Variants in GLCE observed in about 807,000 individuals in gnomAD.
GLCE encodes the protein D-glucuronyl C5-epimerase.
GLCE carries 19 observed loss-of-function variants against 47.9 expected under a neutral mutation model. The ratio of observed to expected loss-of-function variants is 0.40; its 90% confidence interval spans 0.28 to 0.58. The LOEUF is 0.58. Ranked by LOEUF, GLCE falls within the 20% of genes least tolerant of loss-of-function variation. The probability of loss-of-function intolerance (pLI) is 0.48; values close to 1 mark genes in which losing one functional copy is unlikely to be tolerated. For missense variants in GLCE, 556 were observed against 743.3 expected, an observed-to-expected ratio of 0.75 and a Z score of 2.93; for synonymous variants, 245 against 263.4, an observed-to-expected ratio of 0.93 and a Z score of 0.68.
chr15:69,263,266 A>G (rs918265330), intron 4 of GLCE, among the ~76,000 whole-genome samples: 3 of 152,188 alleles, frequency 2.0e-5, no homozygotes, highest in African/African-American at 7.2e-5. Flanking sequence ...AGACTATTTT[A>G]TTGAAGCATA....
At chr15:69,244,824 C>A (rs1355269444) in intron 2 of GLCE, among the ~76,000 whole-genome samples, 1 of 152,068 alleles carries the variant, frequency 6.6e-6, no homozygotes, top group African/African-American at 2.4e-5. Context: ...TTTTGTGGGT[C>A]CTTATGCCTT....
chr15:69,223,716 A>G (rs546094842), intron 2 of GLCE, among the ~76,000 whole-genome samples: 26 of 151,592 alleles, frequency 1.7e-4, no homozygotes, highest in Non-Finnish European at 3.4e-4. Context: ...TACTCATCCA[A>G]TTGATGGTGT....
chr15:69,215,475 T>A (rs986381543), intron 2 of GLCE, among the ~76,000 whole-genome samples: 3 of 152,058 alleles, frequency 2.0e-5, no homozygotes, highest in African/African-American at 7.2e-5. Context: ...TTATCTGTTG[T>A]GGGACATCTG....
chr15:69,248,792 G>A (rs957014283), intron 2 of GLCE, among the ~76,000 whole-genome samples: 1 of 152,018 alleles, frequency 6.6e-6, no homozygotes, highest in Non-Finnish European at 1.5e-5. Context: ...AGTACAGATG[G>A]GATTTCACCA....
intron 2 of GLCE, among the ~76,000 whole-genome samples, chr15:69,211,675 G>A (rs1349327332): frequency 6.6e-6 from 1 of 151,678 alleles, no homozygotes; most frequent in Non-Finnish European, 1.5e-5. Context: ...TGCCATATAA[G>A]TTAGAATTTC....
rs189827529 is a variant in GLCE, at chr15:69,242,784, C to G, written c.-13-13010C>G. Among the ~76,000 whole-genome samples, 327 of 152,018 alleles carry G rather than the reference C, an allele frequency of 2.2e-3. 1 individual carries two copies. Among genetic ancestry groups the G allele is most frequent in the African/African-American group, 5.8e-3 (240 of 41,466 alleles). Reference sequence around the variant, plus strand: ...CTGGAACTAGGTGTGGTAGCTCATGCCTGTAATCCCAGCACTTTGGGAAGC... The same window carrying G: ...CTGGAACTAGGTGTGGTAGCTCATGGCTGTAATCCCAGCACTTTGGGAAGC... On this transcript the variant is annotated intron_variant, in intron 2 of 4. Transcript: ENST00000261858.
intron 1 of GLCE, among the ~76,000 whole-genome samples, chr15:69,173,645 A>T (rs1021465171): frequency 1.1e-4 from 17 of 152,082 alleles, no homozygotes; most frequent in Non-Finnish European, 2.2e-4. Flanking sequence ...TAGATTGAGT[A>T]GGGTTTAATC....
At chr15:69,170,776 G>A (rs116802490) in intron 1 of GLCE, among the ~76,000 whole-genome samples, 1,758 of 152,294 alleles carry the variant, frequency 0.012, 26 homozygotes, top group African/African-American at 0.038. Context: ...GTAATTTTCT[G>A]TAAGACAAGT....
chr15:69,198,705 C>T (rs1043244091), intron 1 of GLCE, among the ~76,000 whole-genome samples: 1 of 152,146 alleles, frequency 6.6e-6, no homozygotes, highest in Non-Finnish European at 1.5e-5. Flanking sequence ...GACTTCCCAT[C>T]ACTGTTGCCA....
intron 1 of GLCE, among the ~76,000 whole-genome samples, chr15:69,180,806 A>G (rs2051738717): frequency 6.6e-6 from 1 of 152,204 alleles, no homozygotes; most frequent in Non-Finnish European, 1.5e-5. Context: ...ACTAAGTGAT[A>G]CGTGGTATAG....
At chr15:69,230,784 T>G (rs752169007) in intron 2 of GLCE, among the ~76,000 whole-genome samples, 48 of 152,324 alleles carry the variant, frequency 3.2e-4, no homozygotes, top group Middle Eastern at 3.4e-3. Context: ...CAACCTTAGT[T>G]GCTTATAACA....
intron 2 of GLCE, among the ~76,000 whole-genome samples, chr15:69,247,533 T>C (rs1363697912): frequency 2.0e-5 from 3 of 152,232 alleles, no homozygotes; most frequent in African/African-American, 7.2e-5. Flanking sequence ...CAATTTTAAC[T>C]TCCATCAAGA....
intron 2 of GLCE, among the ~76,000 whole-genome samples, chr15:69,250,710 G>A (rs1195127259): frequency 6.6e-6 from 1 of 150,718 alleles, no homozygotes; most frequent in Non-Finnish European, 1.5e-5. Context: ...ACACCCGATC[G>A]GCATAGCACC....
intron 4 of GLCE, among the ~76,000 whole-genome samples, chr15:69,264,064 C>T (rs1162600697): frequency 6.6e-6 from 1 of 152,044 alleles, no homozygotes; most frequent in East Asian, 1.9e-4. Context: ...GCATACAATA[C>T]AGTATTATAA....
intron 2 of GLCE, among the ~76,000 whole-genome samples, chr15:69,214,784 C>T (rs1248260291): frequency 1.3e-5 from 2 of 152,148 alleles, no homozygotes; most frequent in East Asian, 3.9e-4. Flanking sequence ...AAACCTGACT[C>T]TCATTCTCTA....
At chr15:69,174,611 AAAAACAAAACAAAAC>A (rs142688156) in intron 1 of GLCE, among the ~76,000 whole-genome samples, 1 of 152,078 alleles carries the variant, frequency 6.6e-6, no homozygotes, top group Non-Finnish European at 1.5e-5. Context: ...ACTATGTCTA[AAAAACAAAACAAAAC>A]AAAACAAAAC....
At position 69,183,796 on chromosome 15, in the gene GLCE, G is replaced by A. The variant is rs142664008; in HGVS notation, c.-105+23039G>A. On this transcript the variant is annotated intron_variant, in intron 1 of 4. Coordinates refer to ENST00000261858, the MANE Select transcript of GLCE (RefSeq NM_015554.3). Reference sequence around the variant, plus strand: ...AATTTTACTTCAGTTTCTTCCTTTAGGTCAGTAGGATCAAGAAGACCTACC... The same window carrying A: ...AATTTTACTTCAGTTTCTTCCTTTAAGTCAGTAGGATCAAGAAGACCTACC... Among the ~76,000 whole-genome samples the A allele has an allele frequency of 1.1e-3, 172 of 152,264 alleles. 1 individual carries two copies. Among genetic ancestry groups the A allele is most frequent in the African/African-American group, 4.0e-3 (168 of 41,554 alleles).
intron 2 of GLCE, among the ~76,000 whole-genome samples, chr15:69,245,332 C>CAAA (rs34544477): frequency 6.3e-5 from 5 of 79,154 alleles, no homozygotes; most frequent in East Asian, 3.6e-4. Flanking sequence ...GACTCTGTCT[C>CAAA]AAAAAAAAAA....
In GLCE at chr15:69,268,919, A is replaced by G; in HGVS notation, c.1529A>G (p.Asn510Ser). The G allele has an allele frequency of 1.2e-6, 2 of 1,614,134 alleles. No homozygotes were observed. The highest frequency in any genetic ancestry group is 1.7e-6 in the Non-Finnish European group (2 of 1,179,992). Residue 510 changes from asparagine to serine, a missense_variant, in exon 5 of 5, where the codon AAT (asparagine) becomes AGT (serine). Transcript: ENST00000261858. Reference sequence around the variant, plus strand: ...ACCACACCTAGCTCTTTTGTTTTAAATGGCTTTATGTATTCTTTAATTGGG... The same window carrying G: ...ACCACACCTAGCTCTTTTGTTTTAAGTGGCTTTATGTATTCTTTAATTGGG... ...YPTTPSSFVL[N>S]GFMYSLIGLY... is the part of the protein sequence containing the mutation.
Sources: allele counts gnomAD v4.1 joint callset (sites outside exome capture counted in the v4.1 genomes callset), GRCh38; gene constraint gnomAD v4.1.1; transcripts MANE v1.5; gene names NCBI Gene and HGNC (gene_info 2026-07-23, HGNC 2026-07-21).